UNC13C: variants seen among roughly 807,000 people sequenced by gnomAD.
UNC13C encodes unc-13 homolog C, also known as protein unc-13 homolog C.
A neutral mutation model predicts 245.4 loss-of-function variants in UNC13C; 174 were observed. The observed-to-expected ratio is 0.71, with a 90% CI of 0.63 to 0.80. UNC13C has a LOEUF of 0.80. Ranked by LOEUF, UNC13C falls within the 30% of genes least tolerant of loss-of-function variation. The probability of loss-of-function intolerance (pLI) is 0.00; values close to 1 mark genes in which losing one functional copy is unlikely to be tolerated. For synonymous variants in UNC13C, 992 were observed against 895.1 expected, an observed-to-expected ratio of 1.11 and a Z score of -1.93; for missense variants, 2,829 against 2,602.9, an observed-to-expected ratio of 1.09 and a Z score of -1.89.
chr15:54,215,060 T>C lies in UNC13C; in HGVS notation c.3072-19970T>C, dbSNP rs2034999699. On this transcript the variant is annotated intron_variant, in intron 4 of 32. Transcript: ENST00000260323. ...GAGGCTAATTTAGGTACACAGAACA[T>C]TATGGAGGGAGTAAGGTTTTTGGTA... 2.0e-5 allele frequency among the ~76,000 whole-genome samples: 3 copies of C among 151,934 alleles called. No homozygotes were observed. The South Asian group carries it at 6.2e-4, about 31-fold the overall frequency.
the UNC13C span, among the ~76,000 whole-genome samples, chr15:53,920,507 T>C: frequency 6.6e-6 from 1 of 152,138 alleles, no homozygotes; most frequent in African/African-American, 2.4e-5. Context: ...GAGCTGAGAT[T>C]ACCACACTGC....
intron 4 of UNC13C, among the ~76,000 whole-genome samples, chr15:54,233,914 G>T (rs1449424616): frequency 1.3e-5 from 2 of 152,130 alleles, no homozygotes; most frequent in Non-Finnish European, 2.9e-5. Flanking sequence ...GTAAGCATAA[G>T]GAGAAGCTAT....
At chr15:53,943,807 C>T in the UNC13C span, among the ~76,000 whole-genome samples, 5 of 152,146 alleles carry the variant, frequency 3.3e-5, no homozygotes, top group African/African-American at 7.2e-5. Context: ...GGTACATGTA[C>T]GTGTAGGATT....
At chr15:53,882,718 G>C in the UNC13C span, among the ~76,000 whole-genome samples, 1 of 152,156 alleles carries the variant, frequency 6.6e-6, no homozygotes, top group African/African-American at 2.4e-5. Context: ...AGTAAAACCA[G>C]TGTATTCTTG....
intron 23 of UNC13C, among the ~76,000 whole-genome samples, chr15:54,508,043 G>T (rs781073197): frequency 1.3e-5 from 2 of 151,862 alleles, no homozygotes; most frequent in Non-Finnish European, 2.9e-5. Flanking sequence ...CAGTCCTAAT[G>T]GTTCTTGAGA....
chr15:54,546,548 C>T (rs1333677236), intron 26 of UNC13C, among the ~76,000 whole-genome samples, 174 bp from the exon 27 acceptor site: 1 of 152,066 alleles, frequency 6.6e-6, no homozygotes, highest in Non-Finnish European at 1.5e-5. Flanking sequence ...ATTTCATTTT[C>T]CATCAAATAT....
At chr15:54,122,513 A>G (rs927977846) in intron 2 of UNC13C, among the ~76,000 whole-genome samples, 1 of 152,006 alleles carries the variant, frequency 6.6e-6, no homozygotes, top group Non-Finnish European at 1.5e-5. Flanking sequence ...TAACGCATCC[A>G]TTGTATGTGT....
At position 54,236,780 on chromosome 15, in the gene UNC13C, T is replaced by G. The variant is rs28622324; in HGVS notation, c.3156+345T>G. Among the ~76,000 whole-genome samples the G allele has an allele frequency of 5.3e-3, 810 of 152,318 alleles. 13 individuals are homozygous for G. Among genetic ancestry groups the G allele is most frequent in the African/African-American group, 0.019 (787 of 41,570 alleles). On this transcript the variant is annotated intron_variant, in intron 6 of 32. Transcript: ENST00000260323. Reference sequence around the variant, plus strand: ...TTCTTACTCAGGTGTATGCTGAATTTTATTTGAGTTAATGACTTTGTAATG... The same window carrying G: ...TTCTTACTCAGGTGTATGCTGAATTGTATTTGAGTTAATGACTTTGTAATG...
chr15:54,460,682 C>T (rs552999364), intron 19 of UNC13C, among the ~76,000 whole-genome samples: 3 of 152,326 alleles, frequency 2.0e-5, no homozygotes, highest in East Asian at 1.9e-4. Context: ...CACAGTTTTC[C>T]AGTTGTCTTG....
the UNC13C span, among the ~76,000 whole-genome samples, chr15:53,847,602 G>A: frequency 3.3e-5 from 5 of 151,546 alleles, no homozygotes; most frequent in African/African-American, 9.7e-5. Context: ...CTGACCTCAG[G>A]TGATCTGCCC....
At chr15:54,616,815 C>A (rs181236458) in intron 30 of UNC13C, among the ~76,000 whole-genome samples, 5 of 152,116 alleles carry the variant, frequency 3.3e-5, no homozygotes, top group Non-Finnish European at 1.5e-5. Context: ...CCTTCATATT[C>A]ACTCATCACT....
intron 19 of UNC13C, among the ~76,000 whole-genome samples, chr15:54,422,094 C>T (rs562727130): frequency 6.6e-6 from 1 of 152,136 alleles, no homozygotes; most frequent in South Asian, 2.1e-4. Flanking sequence ...CTATTCCTCT[C>T]TTGGTCTTTT....
At chr15:54,190,351 A>G (rs539509265) in intron 4 of UNC13C, among the ~76,000 whole-genome samples, 1 of 152,158 alleles carries the variant, frequency 6.6e-6, no homozygotes, top group Non-Finnish European at 1.5e-5. Context: ...ACTACATAGC[A>G]ATAAGCAAAT....
At position 54,503,434 on chromosome 15, in the gene UNC13C, CTT is replaced by C. The variant is rs35100602; in HGVS notation, c.5301+2469_5301+2470del. ...TCCATTTTACCATTATCAGCCTTTC[CTT>C]TTTTTTTTTTTTCTTTTTGAGACAG... is the stretch of plus-strand genomic sequence containing the variant. On this transcript the variant is annotated intron_variant, in intron 22 of 32. Transcript: ENST00000260323. Among the ~76,000 whole-genome samples the C allele has an allele frequency of 4.3e-3, 586 of 136,534 alleles. 4 individuals are homozygous for C. The highest frequency in any genetic ancestry group is 0.014 in the African/African-American group (526 of 36,554). The allele number at this position is 136,534 out of a possible 152,430, so 89.6% of individuals were successfully genotyped here. A position where few individuals can be genotyped will look rare whatever the true frequency, so the allele number is the denominator to read the frequency against.
chr15:54,607,325 C>T (rs1355202886), intron 30 of UNC13C, among the ~76,000 whole-genome samples: 2 of 152,148 alleles, frequency 1.3e-5, no homozygotes, highest in Admixed American at 6.5e-5. Context: ...AGTATTTTAA[C>T]TTCAGAACAC....
intron 4 of UNC13C, among the ~76,000 whole-genome samples, chr15:54,180,740 C>T (rs1197010204): frequency 1.3e-5 from 2 of 150,408 alleles, no homozygotes; most frequent in African/African-American, 5.0e-5. Context: ...CTTTCTTTGA[C>T]GATTAGTGAT....
At chr15:53,959,135 T>C in the UNC13C span, among the ~76,000 whole-genome samples, 1 of 152,220 alleles carries the variant, frequency 6.6e-6, no homozygotes, top group Non-Finnish European at 1.5e-5. Context: ...TTCATTCTTT[T>C]TTATGGCTGA....
intron 30 of UNC13C, among the ~76,000 whole-genome samples, chr15:54,578,758 G>A (rs531718987): frequency 2.6e-5 from 4 of 152,278 alleles, no homozygotes; most frequent in African/African-American, 7.2e-5. Context: ...GGAGACCAAG[G>A]TGAAAACTGC....
At chr15:54,054,994 A>G (rs1334963454) in intron 2 of UNC13C, among the ~76,000 whole-genome samples, 1 of 152,144 alleles carries the variant, frequency 6.6e-6, no homozygotes, top group Admixed American at 6.6e-5. Flanking sequence ...GATCAGGATG[A>G]CAAAATTGCT....
Sources: allele counts gnomAD v4.1 joint callset (sites outside exome capture counted in the v4.1 genomes callset), GRCh38; gene constraint gnomAD v4.1.1; transcripts MANE v1.5; gene names NCBI Gene and HGNC (gene_info 2026-07-23, HGNC 2026-07-21).